MOB3A: variants seen among roughly 807,000 people sequenced by gnomAD.
The protein encoded by MOB3A is MOB kinase activator 3A.
Under a neutral mutation model 17.8 loss-of-function variants are expected in MOB3A, and 17 were observed. That is an observed-to-expected ratio of 0.95 (90% CI 0.65 to 1.43). The LOEUF (loss-of-function observed/expected upper bound fraction) is 1.43, where lower values mean the gene tolerates loss of function less well. Ranked by LOEUF, MOB3A falls within the 40% of genes most tolerant of loss-of-function variation. The probability of loss-of-function intolerance (pLI) is 0.00; values close to 1 mark genes in which losing one functional copy is unlikely to be tolerated. For missense variants in MOB3A, 333 were observed against 310.8 expected (o/e 1.07, Z -0.54); for synonymous variants, 124 against 133.2 (o/e 0.93, Z 0.48).
rs1046437661 is a variant in MOB3A, at chr19:2,082,562, G to C, written c.-120+2613C>G. On this transcript the variant is annotated intron_variant, in intron 2 of 4. Transcript: ENST00000357066. This position sits in a 1 kb window ranked among gnomAD's most constrained non-coding sequence, Gnocchi z 4.1. Reference sequence around the variant, plus strand: ...TGGATCGGCCGGGTCTCGAACCCTGGACTCTGTGGGTGAAGCCACCGCTCT... The same window carrying C: ...TGGATCGGCCGGGTCTCGAACCCTGCACTCTGTGGGTGAAGCCACCGCTCT... Among the ~76,000 whole-genome samples the C allele has an allele frequency of 1.3e-5, 2 of 152,148 alleles. No homozygotes were observed. Among genetic ancestry groups the C allele is most frequent in the Admixed American group, 6.5e-5 (1 of 15,276 alleles).
chr19:2,079,167 G>A (rs1416135987), intron 2 of MOB3A, among the ~76,000 whole-genome samples: 1 of 152,268 alleles, frequency 6.6e-6, no homozygotes, highest in Non-Finnish European at 1.5e-5. Flanking sequence ...CCGATTCACA[G>A]CAGAAGGTGC....
intron 1 of MOB3A, among the ~76,000 whole-genome samples, chr19:2,085,837 A>G (rs1215918877): frequency 1.3e-5 from 2 of 150,640 alleles, no homozygotes; most frequent in African/African-American, 2.4e-5. Context: ...AGTGGTGGGC[A>G]CCTGTAGTCC....
At chr19:2,096,493 G>T, upstream of MOB3A, 1 of 162,200 alleles carries the variant, frequency 6.2e-6, no homozygotes. Flanking sequence ...GCCAAGTTCC[G>T]GGCAGCAGCC....
intron 4 of MOB3A, among the ~76,000 whole-genome samples, chr19:2,073,990 C>T (rs778932752): frequency 6.6e-6 from 1 of 150,776 alleles, no homozygotes; most frequent in Non-Finnish European, 1.5e-5. Flanking sequence ...AAGATCGCGC[C>T]ACTGCACTCC....
intron 1 of MOB3A, among the ~76,000 whole-genome samples, chr19:2,086,658 T>G (rs2017557454): frequency 6.6e-6 from 1 of 151,950 alleles, no homozygotes; most frequent in Middle Eastern, 3.2e-3. Flanking sequence ...ATGCCTGGCC[T>G]GAGGGTTTAC....
rs2017500550 is a variant in MOB3A at position 2,082,430 on chromosome 19, C to G, written c.-120+2745G>C. ...CCCTTTGGGTTAAGATTAGATCGCC[C>G]TGGGTGAGATCGTGGCTCAGATGAT... On this transcript the variant is annotated intron_variant, in intron 2 of 4. Transcript: ENST00000357066. This position sits in a 1 kb window ranked among gnomAD's most constrained non-coding sequence, Gnocchi z 4.1. 3.3e-5 allele frequency among the ~76,000 whole-genome samples: 5 copies of G among 152,192 alleles called. No individual in the cohort carries two copies. The South Asian group carries it at 1.0e-3, about 31-fold the overall frequency.
At chr19:2,088,362 G>A (rs2017576752) in intron 1 of MOB3A, among the ~76,000 whole-genome samples, 1 of 152,160 alleles carries the variant, frequency 6.6e-6, no homozygotes, top group South Asian at 2.1e-4. Context: ...GGAGTGCAGT[G>A]GCACAATCAC....
chr19:2,082,386 CCCAGA>C lies in MOB3A; in HGVS notation c.-120+2784_-120+2788del, dbSNP rs1286821244. ...CCAAGTTATGACAACCACAGATGTGCCCAGACATCACCCAGTGTCCCTTTGGGTTA... is the reference window on the plus strand; with the variant it reads ...CCAAGTTATGACAACCACAGATGTGCCATCACCCAGTGTCCCTTTGGGTTA... On this transcript the variant is annotated intron_variant, in intron 2 of 4. Transcript: ENST00000357066. The surrounding 1 kb of genome is among the most constrained non-coding windows in gnomAD (Gnocchi z 4.1). Among the ~76,000 whole-genome samples, 12 of 152,186 alleles carry C rather than the reference CCCAGA, an allele frequency of 7.9e-5. No homozygotes were observed. The highest frequency in any genetic ancestry group is 7.9e-4 in the Admixed American group (12 of 15,274).
At chr19:2,079,555 C>T (rs891629648) in intron 2 of MOB3A, among the ~76,000 whole-genome samples, 13 of 152,314 alleles carry the variant, frequency 8.5e-5, no homozygotes, top group South Asian at 2.1e-4. Flanking sequence ...TGCTGGCCAC[C>T]GCCAGGAGCA....
chr19:2,087,439 G>A (rs1321220650), intron 1 of MOB3A, among the ~76,000 whole-genome samples: 3 of 152,186 alleles, frequency 2.0e-5, no homozygotes, highest in Non-Finnish European at 4.4e-5. Flanking sequence ...GACTGCTTGA[G>A]GCCAGGAGCT....
At chr19:2,081,781 G>T (rs537454214) in intron 2 of MOB3A, among the ~76,000 whole-genome samples, 1 of 152,278 alleles carries the variant, frequency 6.6e-6, no homozygotes, top group African/African-American at 2.4e-5. Context: ...CTACTTGGGA[G>T]GCTGAGGCAG....
chr19:2,077,190 C>A (rs1022127963), intron 3 of MOB3A, among the ~76,000 whole-genome samples, 177 bp from the exon 4 acceptor site: 1 of 152,152 alleles, frequency 6.6e-6, no homozygotes, highest in Admixed American at 6.6e-5. Flanking sequence ...CACTTGAGGT[C>A]TGGAGTTCGA....
rs918093434 is a variant in MOB3A at position 2,082,871 on chromosome 19, G to A, written c.-120+2304C>T. On this transcript the variant is annotated intron_variant, in intron 2 of 4. Transcript: ENST00000357066. This position sits in a 1 kb window ranked among gnomAD's most constrained non-coding sequence, Gnocchi z 4.1. ...CTGCTGCTCAGGCTAGAGTGCAGTGGCAGGATCATGGCTCACACTTCAGCC... is the reference window on the plus strand; with the variant it reads ...CTGCTGCTCAGGCTAGAGTGCAGTGACAGGATCATGGCTCACACTTCAGCC... Among the ~76,000 whole-genome samples the A allele has an allele frequency of 6.6e-6, 1 of 152,178 alleles. No individual in the cohort carries two copies. Among genetic ancestry groups the A allele is most frequent in the African/African-American group, 2.4e-5 (1 of 41,432 alleles).
At chr19:2,085,065 GGC>G (rs898593996) in intron 2 of MOB3A, 108 bp downstream of exon 2, 4 of 152,124 alleles carry the variant, frequency 2.6e-5, no homozygotes, top group African/African-American at 9.7e-5. Flanking sequence ...CAGGCTCCTT[GGC>G]GGAGGGGTGA....
At chr19:2,077,634 G>T (rs2017429144) in intron 3 of MOB3A, among the ~76,000 whole-genome samples, 1 of 152,012 alleles carries the variant, frequency 6.6e-6, no homozygotes, top group African/African-American at 2.4e-5. Flanking sequence ...CACTGGCAGG[G>T]GTGCTTGTCT....
At chr19:2,083,649 G>A (rs1436871095) in intron 2 of MOB3A, among the ~76,000 whole-genome samples, 1 of 152,106 alleles carries the variant, frequency 6.6e-6, no homozygotes, top group East Asian at 1.9e-4. Context: ...CCTCCTCCCC[G>A]TTTCCGCTTC....
chr19:2,075,641 C>T (rs1171597906), intron 4 of MOB3A, among the ~76,000 whole-genome samples: 1 of 152,194 alleles, frequency 6.6e-6, no homozygotes, highest in Non-Finnish European at 1.5e-5. Flanking sequence ...CGGGCACCCA[C>T]TCCACTGCTG....
rs576809612 is a variant in MOB3A, at chr19:2,076,946, G to A, written c.489C>T (p.Phe163=). The A allele has an allele frequency of 8.1e-6, 13 of 1,613,914 alleles. No individual in the cohort carries two copies. The Admixed American group carries it at 1.3e-4, about 17-fold the overall frequency. ...RKILSRLFRV[F]VHVYIHHFDR... Reference sequence around the variant, plus strand: ...CAAAGTGGTGGATGTAGACGTGCACGAACACGCGGAACAGCCGCGACAGGA... The same window carrying A: ...CAAAGTGGTGGATGTAGACGTGCACAAACACGCGGAACAGCCGCGACAGGA... The change falls in exon 4 of 5, where the codon TTC becomes TTT. Residue 163 remains phenylalanine (F), a synonymous_variant. Transcript: ENST00000357066.
intron 1 of MOB3A, among the ~76,000 whole-genome samples, chr19:2,088,132 A>C (rs1446656036): frequency 6.6e-6 from 1 of 152,100 alleles, no homozygotes; most frequent in Non-Finnish European, 1.5e-5. Context: ...GGTTGTCATA[A>C]CTGGAGGATG....
Sources: gnomAD v4.1 joint callset for allele counts (sites outside exome capture counted in the v4.1 genomes callset) on GRCh38, gnomAD v4.1.1 for gene constraint, Gnocchi (gnomAD v3.1) non-coding constraint, MANE v1.5 for transcripts, NCBI Gene and HGNC (gene_info 2026-07-23, HGNC 2026-07-21) for gene names.